Variants in SYNE2 observed in about 807,000 individuals in gnomAD.
SYNE2 encodes the protein spectrin repeat containing nuclear envelope protein 2.
Under a neutral mutation model 856.3 loss-of-function variants are expected in SYNE2, and 431 were observed. The observed-to-expected ratio is 0.50, with a 90% CI of 0.47 to 0.55. SYNE2 has a LOEUF of 0.55. Among genes scored for constraint, SYNE2 ranks in the 20% least tolerant of loss-of-function variants. The pLI, the probability that SYNE2 is intolerant of heterozygous loss-of-function variation, is 0.00. For missense variants in SYNE2, 8,129 were observed against 8,023.2 expected, an observed-to-expected ratio of 1.01 and a Z score of -0.50; for synonymous variants, 2,923 against 2,872.3, an observed-to-expected ratio of 1.02 and a Z score of -0.56.
Position 64,025,302 on chromosome 14 carries a change from A to C in SYNE2, c.6133A>C (p.Ser2045Arg). 6.2e-7 allele frequency: 1 copy of C among 1,614,146 alleles called. No individual in the cohort carries two copies. The highest frequency in any genetic ancestry group is 1.3e-5 in the African/African-American group (1 of 75,060). Residue 2045 changes from serine (S) to arginine (R), a missense_variant, in exon 41 of 116, where the codon AGC becomes CGC. Physicochemically the swap from Ser to Arg is moderately radical, Grantham distance 110 (BLOSUM62 -1). This residue lies in a region of SYNE2 where 2,422 missense variants were observed against 2,357.4 expected (regional missense o/e 1.03). Coordinates refer to ENST00000555002, the MANE Select transcript of SYNE2 (RefSeq NM_182914.3). ...EDKLLPTEDQ[S>R]FNDLAHDVIH... is the part of the protein sequence containing the mutation. ...TAAGTTACTACCCACAGAGGACCAG[A>C]GCTTTAATGATCTTGCACATGATGT...
chr14:64,122,991 C>T (rs1004512641), intron 70 of SYNE2, among the ~76,000 whole-genome samples: 1 of 151,424 alleles, frequency 6.6e-6, no homozygotes, highest in Non-Finnish European at 1.5e-5. Flanking sequence ...CCCAGCTACT[C>T]AGGAGGCTGA....
intron 49 of SYNE2, among the ~76,000 whole-genome samples, chr14:64,056,769 CA>C (rs2097273907): frequency 6.6e-6 from 1 of 151,928 alleles, no homozygotes; most frequent in African/African-American, 2.4e-5. Context: ...CTCCCGAGTT[CA>C]AGTAATTCTC....
intron 1 of SYNE2, among the ~76,000 whole-genome samples, chr14:63,799,316 T>C (rs1447653905): frequency 3.3e-5 from 5 of 152,108 alleles, no homozygotes; most frequent in Admixed American, 1.3e-4. Flanking sequence ...TGACCTCAAG[T>C]GATCTGCCCG....
In SYNE2 at chr14:64,212,970, TC is replaced by T; in HGVS notation, c.19024del (p.Arg6342GlyfsTer55). On this transcript the variant is annotated frameshift_variant, in exon 105 of 116. Coordinates refer to ENST00000555002, the MANE Select transcript of SYNE2 (RefSeq NM_182914.3). LOFTEE classifies it high-confidence loss of function. ...RYCQEVFGRV[S>X]RFHRRLTSCT... is the part of the protein sequence containing the mutation. Reference sequence around the variant, plus strand: ...CTGCCAGGAGGTGTTTGGAAGGGTCTCCCGGTTCCACCGGCGGCTCACCTCC... The same window carrying T: ...CTGCCAGGAGGTGTTTGGAAGGGTCTCCGGTTCCACCGGCGGCTCACCTCC... 6.2e-7 allele frequency: 1 copy of T among 1,614,036 alleles called. No homozygotes were observed. Among genetic ancestry groups the T allele is most frequent in the Non-Finnish European group, 8.5e-7 (1 of 1,180,012 alleles).
At chr14:64,146,712 C>T (rs529079208) in intron 84 of SYNE2, among the ~76,000 whole-genome samples, 2 of 152,334 alleles carry the variant, frequency 1.3e-5, no homozygotes, top group Admixed American at 1.3e-4. Context: ...GGGTGTTGTC[C>T]GTGGTTCAGC....
At chr14:64,217,575 T>G (rs930813063) in intron 108 of SYNE2, among the ~76,000 whole-genome samples, 4 of 152,286 alleles carry the variant, frequency 2.6e-5, no homozygotes, top group African/African-American at 7.2e-5. Context: ...AAAAGAATAA[T>G]AAGACAGGGG....
chr14:64,100,524 AAAAAAAAATATAT>A (rs1220433199), intron 63 of SYNE2, among the ~76,000 whole-genome samples: 4 of 76,194 alleles, frequency 5.2e-5, no homozygotes, highest in East Asian at 4.9e-4. Context: ...CAAAAAAAAA[AAAAAAAAATATAT>A]ATATATATAT....
At position 64,027,551 on chromosome 14, in the gene SYNE2, C is replaced by T; in HGVS notation, c.6472C>T (p.Leu2158Phe). 1 of 1,611,640 alleles carries T rather than the reference C, an allele frequency of 6.2e-7. No homozygotes were observed. Among genetic ancestry groups the T allele is most frequent in the Non-Finnish European group, 8.5e-7 (1 of 1,178,456 alleles). ...AAGTAAGGAGGATCTGAGATTAATGCTCATAGAACTAAAGAAGAAACAGGA... is the reference window on the plus strand; with the variant it reads ...AAGTAAGGAGGATCTGAGATTAATGTTCATAGAACTAAAGAAGAAACAGGA... The part of the protein sequence containing the change: ...LQSKEDLRLM[L>F]IELKKKQEAG... Residue 2158 changes from leucine to phenylalanine, a missense_variant, in exon 43 of 116, where the codon CTC (leucine) becomes TTC (phenylalanine). By Grantham distance (22) the Leu-to-Phe change is conservative. Coordinates refer to ENST00000555002, the MANE Select transcript of SYNE2 (RefSeq NM_182914.3).
intron 14 of SYNE2, among the ~76,000 whole-genome samples, chr14:63,979,322 C>T (rs2096568378): frequency 6.6e-6 from 1 of 152,130 alleles, no homozygotes; most frequent in Non-Finnish European, 1.5e-5. Context: ...CTTTCACTTA[C>T]TTGAAATGTT....
At chr14:63,837,918 CAAAAAAAAAAAAA>C (rs34952817) in intron 1 of SYNE2, among the ~76,000 whole-genome samples, 11 of 62,196 alleles carry the variant, frequency 1.8e-4, no homozygotes, top group South Asian at 1.9e-3. Flanking sequence ...GACTCTGTTT[CAAAAAAAAAAAAA>C]AAAAAAAAAA....
intron 1 of SYNE2, among the ~76,000 whole-genome samples, chr14:63,776,508 G>A (rs556010804): frequency 6.6e-6 from 1 of 152,082 alleles, no homozygotes; most frequent in Admixed American, 6.6e-5. Context: ...GAAATCAGAG[G>A]AGTATTTTAC....
In SYNE2 at chr14:64,163,453, A is replaced by G. The variant is rs372259479; in HGVS notation, c.16351A>G (p.Ser5451Gly). ...KTKEAFLQNS[S>G]VLDRLPQPAE... ...AAAAGAAGCCTTTCTCCAAAATTCC[A>G]GTGTCCTGGATCGACTCCCACAACC... The change falls in exon 89 of 116, where the codon AGT (serine) becomes GGT (glycine). Residue 5451 changes from serine (S) to glycine (G), a missense_variant. By Grantham distance (56) the Ser-to-Gly change is moderately conservative. Around this residue, in one of 3 missense-constraint regions of SYNE2, gnomAD observed 5,410 missense variants for 5,284.8 expected, o/e 1.02. Transcript: ENST00000555002. 9 of 1,614,024 alleles carry G rather than the reference A, an allele frequency of 5.6e-6. No homozygotes were observed. Among genetic ancestry groups the G allele is most frequent in the African/African-American group, 2.7e-5 (2 of 74,902 alleles).
chr14:64,080,193 A>G (rs920308517), intron 55 of SYNE2, among the ~76,000 whole-genome samples: 1 of 152,140 alleles, frequency 6.6e-6, no homozygotes, highest in Non-Finnish European at 1.5e-5. Flanking sequence ...TGTGTCAGTC[A>G]TCTCTAAAAA....
chr14:64,015,792 G>C (rs1490890394), intron 32 of SYNE2, among the ~76,000 whole-genome samples: 1 of 151,762 alleles, frequency 6.6e-6, no homozygotes, highest in Non-Finnish European at 1.5e-5. Flanking sequence ...ATCGATTTCA[G>C]ACTTTTCCTC....
At chr14:64,034,739 T>C (rs772797704) in intron 45 of SYNE2, 3 of 394,142 alleles carry the variant, frequency 7.6e-6, no homozygotes, top group Non-Finnish European at 1.3e-5. Flanking sequence ...TTTTTATAGA[T>C]GCGTATTTCT....
intron 44 of SYNE2, among the ~76,000 whole-genome samples, chr14:64,030,732 A>T (rs2097027444): frequency 6.6e-6 from 1 of 152,228 alleles, no homozygotes; most frequent in Non-Finnish European, 1.5e-5. Context: ...ACAAAGACGT[A>T]TCTTGAACAA....
rs190319697 is a variant in SYNE2 at position 63,976,433 on chromosome 14, T to C, written c.1129-130T>C. 6.1e-5 allele frequency: 57 copies of C among 929,492 alleles called. No individual in the cohort carries two copies. In the African/African-American group the frequency reaches 7.9e-4, roughly 13 times the overall value. The allele number at this position is 929,492 out of a possible 1,614,324, so 57.6% of individuals were successfully genotyped here. On this transcript the variant is annotated intron_variant, in intron 11 of 115. Transcript: ENST00000555002. Reference sequence around the variant, plus strand: ...ATTTACCCATTGATGAAGATTTCCATGATAATTGATCACATTTATCAGACT... The same window carrying C: ...ATTTACCCATTGATGAAGATTTCCACGATAATTGATCACATTTATCAGACT...
intron 96 of SYNE2, among the ~76,000 whole-genome samples, chr14:64,179,321 T>C (rs970294967): frequency 8.5e-5 from 13 of 152,058 alleles, no homozygotes; most frequent in African/African-American, 3.1e-4. Context: ...GTATTTTTAG[T>C]AGAGATGGTG....
intron 45 of SYNE2, 140 bp downstream of exon 45, chr14:64,031,497 G>C: frequency 1.3e-6 from 1 of 777,444 alleles, no homozygotes; most frequent in South Asian, 1.6e-5. Flanking sequence ...AAGCCTACTT[G>C]TAAAAAGAGC....
Sources: allele counts gnomAD v4.1 joint callset (sites outside exome capture counted in the v4.1 genomes callset), GRCh38; gene constraint gnomAD v4.1.1; regional missense constraint gnomAD v4.1.1; transcripts MANE v1.5; gene names NCBI Gene and HGNC (gene_info 2026-07-23, HGNC 2026-07-21).